Variants in KCND2 observed in about 807,000 individuals in gnomAD.
KCND2 encodes the protein A-type voltage-gated potassium channel KCND2.
A neutral mutation model predicts 54.4 loss-of-function variants in KCND2; 16 were observed. That is an observed-to-expected ratio of 0.29 (90% CI 0.20 to 0.45). The LOEUF is 0.45. KCND2 is among the 20% of genes least tolerant of loss of function. The pLI is 1.00. For synonymous variants in KCND2, 317 were observed against 310.7 expected (o/e 1.02, Z -0.21); for missense variants, 486 against 824.2 (o/e 0.59, Z 5.02).
Position 120,432,927 on chromosome 7 carries a change from C to T in KCND2, c.1115+157180C>T, listed in dbSNP as rs984164058. Among the ~76,000 whole-genome samples the T allele has an allele frequency of 3.9e-5, 6 of 152,198 alleles. No homozygotes were observed. In the East Asian group the frequency reaches 5.8e-4, roughly 15 times the overall value. On this transcript the variant is annotated intron_variant, in intron 1 of 5. Transcript: ENST00000331113. Reference sequence around the variant, plus strand: ...CACTGCACCACTTCAAAACCCTTCACGGTTGCCCATCAATTGCAAGGCCAA... The same window carrying T: ...CACTGCACCACTTCAAAACCCTTCATGGTTGCCCATCAATTGCAAGGCCAA...
rs150590679 is a variant in KCND2, at chr7:120,444,402, A to G, written c.1115+168655A>G. On this transcript the variant is annotated intron_variant, in intron 1 of 5. Coordinates refer to ENST00000331113, the MANE Select transcript of KCND2 (RefSeq NM_012281.3). ...CTTTACTAATTTTCATAAAGTCAGT[A>G]TATGGACTTAGCTACCAGCTAGATT... Among the ~76,000 whole-genome samples the G allele has an allele frequency of 4.0e-3, 610 of 152,262 alleles. 4 individuals carry two copies. The highest frequency in any genetic ancestry group is 0.013 in the African/African-American group (560 of 41,562).
chr7:120,497,190 T>G (rs556871232), intron 1 of KCND2, among the ~76,000 whole-genome samples: 4 of 152,164 alleles, frequency 2.6e-5, no homozygotes, highest in Non-Finnish European at 5.9e-5. Flanking sequence ...ATAAAAATAA[T>G]AAGCACATAA....
rs565339623 is a variant in KCND2 at position 120,650,420 on chromosome 7, C to CG, written c.1116-82483_1116-82482insG. Reference sequence around the variant, plus strand: ...CAGTTGATCGAATCAGCTACTGAAGCTGTGCATTTGTCGTGTAGTTCTCGT... The same window carrying CG: ...CAGTTGATCGAATCAGCTACTGAAGCGTGTGCATTTGTCGTGTAGTTCTCGT... On this transcript the variant is annotated intron_variant, in intron 1 of 5. Coordinates refer to ENST00000331113, the MANE Select transcript of KCND2 (RefSeq NM_012281.3). Among the ~76,000 whole-genome samples, 435 of 142,186 alleles carry CG rather than the reference C, an allele frequency of 3.1e-3. 84 individuals carry two copies. The highest frequency in any genetic ancestry group is 0.011 in the African/African-American group (408 of 35,824). The allele number at this position is 142,186 out of a possible 152,430, so 93.3% of individuals were successfully genotyped here.
intron 1 of KCND2, among the ~76,000 whole-genome samples, chr7:120,657,550 A>G (rs1313126080): frequency 6.6e-6 from 1 of 152,158 alleles, no homozygotes; most frequent in Non-Finnish European, 1.5e-5. Flanking sequence ...AGGGCCTTCA[A>G]AAACAGCAAG....
intron 1 of KCND2, among the ~76,000 whole-genome samples, chr7:120,433,125 T>C (rs1465857483): frequency 1.3e-5 from 2 of 152,110 alleles, no homozygotes; most frequent in South Asian, 2.1e-4. Flanking sequence ...ATCCATATCG[T>C]GTGGACGCTT....
chr7:120,458,460 A>G (rs1174983949), intron 1 of KCND2, among the ~76,000 whole-genome samples: 1 of 152,192 alleles, frequency 6.6e-6, no homozygotes, highest in East Asian at 1.9e-4. Flanking sequence ...AATGTTTACC[A>G]ACTCATGCCC....
At chr7:120,714,766 C>T (rs1792582097) in intron 1 of KCND2, among the ~76,000 whole-genome samples, 1 of 151,880 alleles carries the variant, frequency 6.6e-6, no homozygotes, top group Non-Finnish European at 1.5e-5. Flanking sequence ...GAGAACAGAA[C>T]ACCATATATA....
chr7:120,712,299 T>C (rs1208729172), intron 1 of KCND2, among the ~76,000 whole-genome samples: 1 of 134,104 alleles, frequency 7.5e-6, no homozygotes. Flanking sequence ...GGTCTTGCTC[T>C]TTCACCCAGG....
chr7:120,488,387 ATTTGT>A (rs1802724612), intron 1 of KCND2, among the ~76,000 whole-genome samples: 2 of 152,086 alleles, frequency 1.3e-5, no homozygotes, highest in Admixed American at 6.6e-5. Flanking sequence ...TGTGCTATAG[ATTTGT>A]TTTGTTTTGT....
intron 1 of KCND2, among the ~76,000 whole-genome samples, chr7:120,281,049 G>T (rs1233846897): frequency 1.3e-5 from 2 of 152,016 alleles, no homozygotes; most frequent in African/African-American, 4.8e-5. Flanking sequence ...CAGGCCGTTT[G>T]GCGGCAAACT....
chr7:120,457,197 G>A (rs1802212901), intron 1 of KCND2, among the ~76,000 whole-genome samples: 1 of 152,108 alleles, frequency 6.6e-6, no homozygotes, highest in African/African-American at 2.4e-5. Flanking sequence ...GTCTGTGAAG[G>A]GAGGGACTGC....
At chr7:120,596,852 T>C (rs1232928331) in intron 1 of KCND2, among the ~76,000 whole-genome samples, 2 of 152,196 alleles carry the variant, frequency 1.3e-5, no homozygotes. Context: ...TACTACATTG[T>C]GCTGAGATCT....
At chr7:120,639,896 A>G (rs1161225676) in intron 1 of KCND2, among the ~76,000 whole-genome samples, 7 of 151,784 alleles carry the variant, frequency 4.6e-5, no homozygotes. Flanking sequence ...CCCATTGTAC[A>G]TTTTCTATTT....
At chr7:120,488,075 G>C (rs886344871) in intron 1 of KCND2, among the ~76,000 whole-genome samples, 1 of 151,990 alleles carries the variant, frequency 6.6e-6, no homozygotes, top group Non-Finnish European at 1.5e-5. Context: ...GGTGCTTGTA[G>C]TCCCAGCTAC....
chr7:120,338,857 C>A (rs1228031082), intron 1 of KCND2, among the ~76,000 whole-genome samples: 1 of 151,852 alleles, frequency 6.6e-6, no homozygotes, highest in Non-Finnish European at 1.5e-5. Flanking sequence ...AGAAAAGAGA[C>A]CTGGTGTCAC....
intron 1 of KCND2, among the ~76,000 whole-genome samples, chr7:120,685,076 T>G (rs2116594884): frequency 6.6e-6 from 1 of 152,320 alleles, no homozygotes; most frequent in Admixed American, 6.5e-5. Flanking sequence ...TATCACATTC[T>G]TGGTCTGTGG....
intron 1 of KCND2, among the ~76,000 whole-genome samples, chr7:120,331,003 A>G (rs577041880): frequency 1.6e-4 from 24 of 152,314 alleles, no homozygotes; most frequent in Non-Finnish European, 3.1e-4. Context: ...TGAAGTTGAA[A>G]ATGTTTTAAA....
At chr7:120,398,916 A>C (rs144384885) in intron 1 of KCND2, among the ~76,000 whole-genome samples, 6 of 152,180 alleles carry the variant, frequency 3.9e-5, no homozygotes, top group Non-Finnish European at 7.4e-5. Flanking sequence ...AGACGTGGTG[A>C]AAATGAAGAG....
chr7:120,459,737 T>G (rs185943564), intron 1 of KCND2, among the ~76,000 whole-genome samples: 96 of 152,300 alleles, frequency 6.3e-4, no homozygotes, highest in African/African-American at 2.2e-3. Context: ...ACACAGAAAT[T>G]CTCCTTTCGG....
Sources: gnomAD v4.1 joint callset for allele counts (sites outside exome capture counted in the v4.1 genomes callset) on GRCh38, gnomAD v4.1.1 for gene constraint, MANE v1.5 for transcripts, NCBI Gene and HGNC (gene_info 2026-07-23, HGNC 2026-07-21) for gene names.